UBE2G1: variants seen among roughly 807,000 people sequenced by gnomAD.
UBE2G1 encodes the protein ubiquitin-conjugating enzyme E2 G1.
UBE2G1 carries 5 observed loss-of-function variants against 22.7 expected under a neutral mutation model. That is an observed-to-expected ratio of 0.22 (90% CI 0.12 to 0.46). The LOEUF (loss-of-function observed/expected upper bound fraction) is 0.46, where lower values mean the gene tolerates loss of function less well. Among genes scored for constraint, UBE2G1 ranks in the 20% least tolerant of loss-of-function variants. UBE2G1 has a pLI of 0.99. For synonymous variants in UBE2G1, 74 were observed against 67.5 expected (o/e 1.10, Z -0.47); for missense variants, 88 against 203.9 (o/e 0.43, Z 3.46).
At chr17:4,355,388 C>T (rs1331076300) in intron 1 of UBE2G1, among the ~76,000 whole-genome samples, 3 of 151,252 alleles carry the variant, frequency 2.0e-5, no homozygotes, top group Non-Finnish European at 4.4e-5. Flanking sequence ...AGCCTATAAT[C>T]CCAGCACTTT....
rs1489514402 is a variant in UBE2G1, at chr17:4,282,807, A to G, written c.*28T>C. On this transcript the variant is annotated 3_prime_UTR_variant, in exon 5 of 6. Coordinates refer to ENST00000396981, the MANE Select transcript of UBE2G1 (RefSeq NM_003342.5). ...TTTAAAATAAACTTACCCTGAAATA[A>G]GTGAAGTTACTAGCTGCTAAATAAA... 1 of 1,587,952 alleles carries G rather than the reference A, an allele frequency of 6.3e-7. No individual in the cohort carries two copies. The highest frequency in any genetic ancestry group is 1.8e-5 in the Admixed American group (1 of 56,414).
intron 5 of UBE2G1, among the ~76,000 whole-genome samples, chr17:4,280,723 C>T (rs1337032751): frequency 3.4e-5 from 5 of 149,174 alleles, no homozygotes; most frequent in African/African-American, 7.4e-5. Flanking sequence ...CCGCAACCTC[C>T]GCCTCCCGGG....
At chr17:4,348,831 A>G (rs1378249327) in intron 1 of UBE2G1, among the ~76,000 whole-genome samples, 1 of 152,070 alleles carries the variant, frequency 6.6e-6, no homozygotes, top group Non-Finnish European at 1.5e-5. Context: ...ACTGCACTCC[A>G]GCCTGGGAGA....
chr17:4,327,404 A>G (rs1398389257), intron 1 of UBE2G1, among the ~76,000 whole-genome samples: 1 of 152,116 alleles, frequency 6.6e-6, no homozygotes, highest in Non-Finnish European at 1.5e-5. Context: ...ACCGGGAAGC[A>G]GAGGTTGTAC....
At chr17:4,305,444 C>T (rs1969238850) in intron 2 of UBE2G1, among the ~76,000 whole-genome samples, 1 of 152,232 alleles carries the variant, frequency 6.6e-6, no homozygotes, top group Admixed American at 6.5e-5. Context: ...TTCTCAGCAG[C>T]ATATACACAC....
In UBE2G1 at chr17:4,296,700, A is replaced by C; in HGVS notation, c.247+17T>G. The C allele has an allele frequency of 6.2e-7, 1 of 1,608,854 alleles. No individual in the cohort carries two copies. The highest frequency in any genetic ancestry group is 8.5e-7 in the Non-Finnish European group (1 of 1,175,440). ...CATCAAATCTGCAAATGTAAAAGTA[A>C]AACTAGATAAACTTACCATTTGGGT... On this transcript the variant is annotated intron_variant, in intron 3 of 5. Transcript: ENST00000396981.
chr17:4,361,757 G>C (rs1391733686), intron 1 of UBE2G1, among the ~76,000 whole-genome samples: 2 of 151,924 alleles, frequency 1.3e-5, no homozygotes, highest in East Asian at 3.9e-4. Context: ...TGGCCAACAT[G>C]GCAAAAACCC....
chr17:4,291,500 A>C (rs922688142), intron 3 of UBE2G1, among the ~76,000 whole-genome samples: 2 of 152,084 alleles, frequency 1.3e-5, no homozygotes, highest in Non-Finnish European at 2.9e-5. Flanking sequence ...ATTTTTCTTT[A>C]AAAACATGCT....
At chr17:4,320,014 G>A (rs189925863) in intron 1 of UBE2G1, among the ~76,000 whole-genome samples, 49 of 149,418 alleles carry the variant, frequency 3.3e-4, no homozygotes, top group African/African-American at 6.6e-4. Flanking sequence ...AGTGGCACAC[G>A]TGTGTGTGTG....
At chr17:4,345,495 T>G (rs546498926) in intron 1 of UBE2G1, 1 of 152,208 alleles carries the variant, frequency 6.6e-6, no homozygotes, top group Non-Finnish European at 1.5e-5. Flanking sequence ...TCCCTATACA[T>G]AACTTTCATT....
In UBE2G1 at chr17:4,366,462, G is replaced by A. The variant is rs1970037260; in HGVS notation, c.-146C>T. The A allele has an allele frequency of 1.4e-6, 1 of 736,474 alleles. No homozygotes were observed. Among genetic ancestry groups the A allele is most frequent in the Non-Finnish European group, 1.9e-6 (1 of 514,062 alleles). 45.6% of individuals were successfully genotyped at this position (736,474 alleles called of 1,614,324 possible). On this transcript the variant is annotated 5_prime_UTR_variant, in exon 1 of 6. Transcript: ENST00000396981. ...GAGGAAGGCCGGGCTGAGGCGGCGG[G>A]AGCGGCGCCTCGCTGCCGGTGCGAG... is the stretch of plus-strand genomic sequence containing the variant.
At chr17:4,287,414 A>T (rs371720874) in intron 4 of UBE2G1, among the ~76,000 whole-genome samples, 5 of 152,084 alleles carry the variant, frequency 3.3e-5, no homozygotes, top group Admixed American at 3.3e-4. Flanking sequence ...CTCTGATCTT[A>T]TTATTAAAAT....
In UBE2G1 at chr17:4,275,089, A is replaced by G. The variant is rs368401389; in HGVS notation, c.*38-2573T>C. On this transcript the variant is annotated intron_variant, in intron 5 of 5. Transcript: ENST00000396981. ...TGCACTCCAGCCTAGGCAACAGAGCAAGACTCCCGTCTTAAAAAAAAACAA... is the reference window on the plus strand; with the variant it reads ...TGCACTCCAGCCTAGGCAACAGAGCGAGACTCCCGTCTTAAAAAAAAACAA... Among the ~76,000 whole-genome samples the G allele has an allele frequency of 6.0e-4, 92 of 152,244 alleles. 1 individual carries two copies. In the South Asian group the frequency reaches 0.019, roughly 32 times the overall value.
chr17:4,311,843 T>G (rs1365293229), intron 1 of UBE2G1, among the ~76,000 whole-genome samples: 1 of 152,188 alleles, frequency 6.6e-6, no homozygotes, highest in Non-Finnish European at 1.5e-5. Flanking sequence ...TAGAAATCTG[T>G]TCATTCACTG....
chr17:4,319,066 T>C (rs931114442), intron 1 of UBE2G1, among the ~76,000 whole-genome samples: 3 of 152,100 alleles, frequency 2.0e-5, no homozygotes, highest in African/African-American at 4.8e-5. Flanking sequence ...AAAAGATAAA[T>C]AGTTATTTTT....
At chr17:4,323,813 G>A (rs1348499370) in intron 1 of UBE2G1, among the ~76,000 whole-genome samples, 1 of 152,154 alleles carries the variant, frequency 6.6e-6, no homozygotes, top group African/African-American at 2.4e-5. Flanking sequence ...AAAGTCCTGG[G>A]ATTACAGGTG....
At chr17:4,328,897 T>C (rs368033621) in intron 1 of UBE2G1, among the ~76,000 whole-genome samples, 39 of 152,106 alleles carry the variant, frequency 2.6e-4, no homozygotes, top group South Asian at 1.5e-3. Flanking sequence ...CCATCCTGGC[T>C]AACATGGTGA....
At chr17:4,294,933 C>G (rs893381) in intron 3 of UBE2G1, among the ~76,000 whole-genome samples, 2 of 150,220 alleles carry the variant, frequency 1.3e-5, no homozygotes, top group African/African-American at 2.5e-5. Flanking sequence ...GAGAAACGTA[C>G]GTGAGGGAGG....
At chr17:4,359,248 A>G (rs1969940515) in intron 1 of UBE2G1, among the ~76,000 whole-genome samples, 1 of 152,212 alleles carries the variant, frequency 6.6e-6, no homozygotes, top group Admixed American at 6.5e-5. Flanking sequence ...CAAACAAACA[A>G]CAAACAGCTG....
Sources: gnomAD v4.1 joint callset for allele counts (sites outside exome capture counted in the v4.1 genomes callset) on GRCh38, gnomAD v4.1.1 for gene constraint, MANE v1.5 for transcripts, NCBI Gene and HGNC (gene_info 2026-07-23, HGNC 2026-07-21) for gene names.